MYO9B: variants seen among roughly 807,000 people sequenced by gnomAD.
MYO9B encodes myosin IXB.
Under a neutral mutation model 229.5 loss-of-function variants are expected in MYO9B, and 71 were observed. The ratio of observed to expected loss-of-function variants is 0.31; its 90% CI spans 0.26 to 0.38. The LOEUF (loss-of-function observed/expected upper bound fraction) is 0.38, where lower values mean the gene tolerates loss of function less well. MYO9B is among the 10% of genes least tolerant of loss of function. The probability of loss-of-function intolerance (pLI) is 1.00; values close to 1 mark genes in which losing one functional copy is unlikely to be tolerated. For synonymous variants in MYO9B, 1,185 were observed against 1,235.8 expected (o/e 0.96, Z 0.86); for missense variants, 2,255 against 2,920.5 (o/e 0.77, Z 5.25).
intron 13 of MYO9B, 40 bp downstream of exon 13, chr19:17,173,003 G>A (rs544553025): frequency 6.9e-6 from 11 of 1,585,154 alleles, no homozygotes; most frequent in Admixed American, 5.1e-5. Flanking sequence ...CGTCACTGTC[G>A]AGAGGGGGGC....
chr19:17,186,086 C>T, intron 18 of MYO9B, 85 bp downstream of exon 18: 2 of 1,222,280 alleles, frequency 1.6e-6, no homozygotes, highest in Non-Finnish European at 2.4e-6. Flanking sequence ...GCCCCAGCCT[C>T]CACGCAGTAT....
intron 19 of MYO9B, among the ~76,000 whole-genome samples, chr19:17,188,776 G>GC (rs2145433228): frequency 6.6e-6 from 1 of 152,140 alleles, no homozygotes; most frequent in East Asian, 1.9e-4. Context: ...ACTTTGGGAG[G>GC]CCAATGCAGG....
At chr19:17,187,840 C>G in intron 18 of MYO9B, 95 bp from the exon 19 acceptor site, 7 of 995,088 alleles carry the variant, frequency 7.0e-6, no homozygotes, top group African/African-American at 1.6e-5. Context: ...GGGGAAGTGC[C>G]CTCATCTCAC....
intron 2 of MYO9B, among the ~76,000 whole-genome samples, chr19:17,124,345 C>A (rs977837455): frequency 6.6e-6 from 1 of 151,978 alleles, no homozygotes; most frequent in African/African-American, 2.4e-5. Flanking sequence ...AAAATCATTC[C>A]TATGTCAGGT....
chr19:17,194,620 G>T lies in MYO9B; in HGVS notation c.3193G>T (p.Ala1065Ser), dbSNP rs371331441. Residue 1065 changes from alanine (A) to serine (S), a missense_variant, in exon 22 of 40, where the codon GCA (alanine) becomes TCA (serine). By Grantham distance (99) the Ala-to-Ser change is moderately conservative. This residue lies in a region of MYO9B where 679 missense variants were observed against 770.2 expected (regional missense o/e 0.88). Coordinates refer to ENST00000682292, the MANE Select transcript of MYO9B (RefSeq NM_004145.4). ...EEKEREALEA[A>S]RAGAEEGGQG... ...GAAGGAGAGGGAAGCCCTGGAAGCC[G>T]CAAGAGCAGGTGCTGAGGAGGGCGG... 2 of 1,612,832 alleles carry T rather than the reference G, an allele frequency of 1.2e-6. No homozygotes were observed. The highest frequency in any genetic ancestry group is 1.7e-5 in the Admixed American group (1 of 60,000).
chr19:17,130,464 C>T (rs910088790), intron 2 of MYO9B, among the ~76,000 whole-genome samples: 12 of 151,892 alleles, frequency 7.9e-5, no homozygotes, highest in Admixed American at 6.6e-4. Context: ...AAAAAAAATA[C>T]AAAAAATTAG....
At chr19:17,113,680 A>AATCAAT (rs1432276611) in intron 2 of MYO9B, among the ~76,000 whole-genome samples, 1 of 152,054 alleles carries the variant, frequency 6.6e-6, no homozygotes. Context: ...GCGAAGATAG[A>AATCAAT]ATCAATCTCT....
intron 10 of MYO9B, 96 bp from the exon 11 acceptor site, chr19:17,167,847 C>T (rs1251201733): frequency 1.3e-5 from 19 of 1,448,338 alleles, no homozygotes; most frequent in East Asian, 1.3e-4. Context: ...TTCAGATTTT[C>T]GGATTAGGGA....
In MYO9B at chr19:17,075,788, GAGCGGCTCGAGC is replaced by G. The variant is rs1388970894; in HGVS notation, c.-138_-127del. ...GGGGAGCGGCGGGCGCGGCGGGGCG[GAGCGGCTCGAGC>G]AGCGGCGGGCTGGCAGGCGGTCGTC... On this transcript the variant is annotated 5_prime_UTR_variant, in exon 1 of 40. Coordinates refer to ENST00000682292, the MANE Select transcript of MYO9B (RefSeq NM_004145.4). The G allele has an allele frequency of 6.5e-6, 1 of 153,740 alleles. No individual in the cohort carries two copies. Among genetic ancestry groups the G allele is most frequent in the Non-Finnish European group, 1.4e-5 (1 of 69,212 alleles). 9.5% of individuals were successfully genotyped at this position (153,740 alleles called of 1,614,324 possible).
intron 2 of MYO9B, among the ~76,000 whole-genome samples, chr19:17,104,506 A>G (rs1362645935): frequency 6.6e-6 from 1 of 152,204 alleles, no homozygotes; most frequent in Non-Finnish European, 1.5e-5. Flanking sequence ...GAACAACGCA[A>G]CCATCGCCAC....
intron 2 of MYO9B, among the ~76,000 whole-genome samples, chr19:17,126,135 G>A (rs2058015959): frequency 6.6e-6 from 1 of 152,114 alleles, no homozygotes; most frequent in African/African-American, 2.4e-5. Context: ...CCACAGCTCT[G>A]AGCTCTGTTG....
intron 2 of MYO9B, among the ~76,000 whole-genome samples, chr19:17,131,515 C>G (rs370601892): frequency 6.6e-6 from 1 of 152,186 alleles, no homozygotes; most frequent in African/African-American, 2.4e-5. Context: ...GTGATCTGCC[C>G]GCCTCAGCCT....
In MYO9B at chr19:17,172,088, C is replaced by T. The variant is rs2072730942; in HGVS notation, c.1794-248C>T. Among the ~76,000 whole-genome samples the T allele has an allele frequency of 6.6e-6, 1 of 152,130 alleles. No individual in the cohort carries two copies. ...GCGTGTTCAGCATGAGGCAGGCAGG[C>T]ACACCCAGATAGCAGCGTCCCAGCC... On this transcript the variant is annotated intron_variant, in intron 11 of 39. Coordinates refer to ENST00000682292, the MANE Select transcript of MYO9B (RefSeq NM_004145.4). This position sits in a 1 kb window ranked among gnomAD's most constrained non-coding sequence, Gnocchi z 8.2.
At chr19:17,106,055 T>C (rs114296659) in intron 2 of MYO9B, among the ~76,000 whole-genome samples, 1,795 of 149,214 alleles carry the variant, frequency 0.012, 44 homozygotes, top group African/African-American at 0.041. Flanking sequence ...TAGAATGGAG[T>C]GCAGTGGCAC....
At position 17,183,965 on chromosome 19, in the gene MYO9B, C is replaced by T. The variant is rs2072889610; in HGVS notation, c.2373+97C>T. ...CACTTCTGCAACTTCATTTCCTCCT[C>T]CTTCCCACTATCTCCCCCTCCCTCC... On this transcript the variant is annotated intron_variant, in intron 16 of 39. Transcript: ENST00000682292. The T allele has an allele frequency of 1.5e-5, 18 of 1,192,778 alleles. No individual in the cohort carries two copies. In the South Asian group the frequency reaches 2.2e-4, roughly 15 times the overall value. The allele number at this position is 1,192,778 out of a possible 1,614,324, so 73.9% of individuals were successfully genotyped here.
intron 1 of MYO9B, among the ~76,000 whole-genome samples, chr19:17,100,892 G>A (rs2057738666): frequency 6.6e-6 from 1 of 151,768 alleles, no homozygotes; most frequent in East Asian, 1.9e-4. Context: ...TTCAGGACAG[G>A]TTCAGTCTTG....
In MYO9B at chr19:17,200,681, G is replaced by T. The variant is rs539630791; in HGVS notation, c.4415G>T (p.Arg1472Leu). Residue 1472 changes from arginine (R) to leucine (L), a missense_variant, in exon 26 of 40, where the codon CGC becomes CTC. Coordinates refer to ENST00000682292, the MANE Select transcript of MYO9B (RefSeq NM_004145.4). ...QQHRHAAGEK[R>L]TKEPGGKGKK... ...CATCGCCACGCTGCAGGTGAGAAGC[G>T]CACCAAGGAACCAGGAGGCAAAGGG... is the stretch of plus-strand genomic sequence containing the variant. The T allele has an allele frequency of 1.9e-6, 3 of 1,613,880 alleles. No homozygotes were observed. Among genetic ancestry groups the T allele is most frequent in the African/African-American group, 2.7e-5 (2 of 74,934 alleles).
chr19:17,188,303 C>A (rs1047959369), intron 19 of MYO9B, among the ~76,000 whole-genome samples: 1 of 151,938 alleles, frequency 6.6e-6, no homozygotes, highest in African/African-American at 2.4e-5. Flanking sequence ...GCAGCAGCTG[C>A]CTGTATTCCT....
intron 2 of MYO9B, among the ~76,000 whole-genome samples, chr19:17,133,307 C>G (rs1176321994): frequency 6.6e-6 from 1 of 152,150 alleles, no homozygotes; most frequent in Admixed American, 6.6e-5. Flanking sequence ...AATCTTCTCT[C>G]TTAGGAATTT....
Sources: gnomAD v4.1 joint callset for allele counts (sites outside exome capture counted in the v4.1 genomes callset) on GRCh38, gnomAD v4.1.1 for gene constraint, gnomAD v4.1.1 regional missense constraint, Gnocchi (gnomAD v3.1) non-coding constraint, MANE v1.5 for transcripts, NCBI Gene and HGNC (gene_info 2026-07-23, HGNC 2026-07-21) for gene names.